Variants in PRCP observed in about 807,000 individuals in gnomAD.
PRCP encodes prolylcarboxypeptidase.
A neutral mutation model predicts 54.2 loss-of-function variants in PRCP; 46 were observed. The ratio of observed to expected loss-of-function variants is 0.85; its 90% confidence interval spans 0.67 to 1.09. The LOEUF (loss-of-function observed/expected upper bound fraction) is 1.09. Ranked by LOEUF, PRCP falls within the 50% of genes least tolerant of loss-of-function variation. The probability of loss-of-function intolerance (pLI) is 0.00; values close to 1 mark genes in which losing one functional copy is unlikely to be tolerated. For missense variants in PRCP, 613 were observed against 596.8 expected, an observed-to-expected ratio of 1.03 and a Z score of -0.28; for synonymous variants, 240 against 212.2, an observed-to-expected ratio of 1.13 and a Z score of -1.14.
At chr11:82,884,741 T>G in intron 1 of PRCP, 1 of 1,594,312 alleles carries the variant, frequency 6.3e-7, no homozygotes, top group Non-Finnish European at 8.5e-7. Flanking sequence ...CAGTGCCATC[T>G]TGGCCATTTA....
At chr11:82,891,473 T>C (rs1265957967) in intron 1 of PRCP, among the ~76,000 whole-genome samples, 1 of 152,208 alleles carries the variant, frequency 6.6e-6, no homozygotes, top group Non-Finnish European at 1.5e-5. Flanking sequence ...GTCATTCTTC[T>C]ACCCCTAAAG....
At chr11:82,895,742 G>A (rs1860105405) in intron 1 of PRCP, among the ~76,000 whole-genome samples, 1 of 152,170 alleles carries the variant, frequency 6.6e-6, no homozygotes, top group Non-Finnish European at 1.5e-5. Context: ...GGAGGAGAAA[G>A]ATCTTTATCA....
At position 82,831,890 on chromosome 11, in the gene PRCP, C is replaced by T. The variant is rs1246197767; in HGVS notation, c.1274+6497G>A. 3.3e-5 allele frequency among the ~76,000 whole-genome samples: 5 copies of T among 152,120 alleles called. No homozygotes were observed. The South Asian group carries it at 1.0e-3, about 32-fold the overall frequency. On this transcript the variant is annotated intron_variant, in intron 8 of 8. Coordinates refer to ENST00000313010, the MANE Select transcript of PRCP (RefSeq NM_005040.4). ...CCCCAACCCTCACCCCCCGACAGGC[C>T]CCAGTGTGTTATGTTCCCCTCCCTG...
intron 1 of PRCP, among the ~76,000 whole-genome samples, chr11:82,869,355 CA>C (rs36024787): frequency 1.3e-3 from 106 of 80,446 alleles, no homozygotes; most frequent in Middle Eastern, 7.2e-3. Context: ...GACTCCATCT[CA>C]AAAAAAAAAA....
chr11:82,887,325 A>G (rs1056260751), intron 1 of PRCP, among the ~76,000 whole-genome samples: 7 of 152,210 alleles, frequency 4.6e-5, no homozygotes, highest in African/African-American at 1.7e-4. Context: ...CATGAGGCCT[A>G]TGTTTGCTCT....
chr11:82,892,284 G>A lies in PRCP; in HGVS notation c.168+7951C>T, dbSNP rs556732204. Among the ~76,000 whole-genome samples the A allele has an allele frequency of 5.3e-5, 8 of 152,168 alleles. No individual in the cohort carries two copies. In the South Asian group the frequency reaches 8.3e-4, roughly 16 times the overall value. On this transcript the variant is annotated intron_variant, in intron 1 of 8. Coordinates refer to ENST00000313010, the MANE Select transcript of PRCP (RefSeq NM_005040.4). Reference sequence around the variant, plus strand: ...AATTAAACCATCTATTTCAAAAAGCGATTATATTAATAATAATTAAAAAGA... The same window carrying A: ...AATTAAACCATCTATTTCAAAAAGCAATTATATTAATAATAATTAAAAAGA...
intron 1 of PRCP, among the ~76,000 whole-genome samples, chr11:82,870,843 G>T (rs1859462683): frequency 6.6e-6 from 1 of 152,136 alleles, no homozygotes; most frequent in African/African-American, 2.4e-5. Flanking sequence ...GAGAGGACAG[G>T]GGGCAAGAGA....
intron 5 of PRCP, among the ~76,000 whole-genome samples, chr11:82,849,705 C>T (rs923301441): frequency 2.6e-5 from 4 of 152,150 alleles, no homozygotes; most frequent in Admixed American, 2.0e-4. Flanking sequence ...GCTGACAACG[C>T]CCTTTACTGA....
At chr11:82,873,605 C>A (rs1591063949) in intron 1 of PRCP, among the ~76,000 whole-genome samples, 1 of 152,218 alleles carries the variant, frequency 6.6e-6, no homozygotes, top group Non-Finnish European at 1.5e-5. Flanking sequence ...CAGCCACAAT[C>A]TTCACTGGTT....
chr11:82,834,998 A>G (rs1202862298), intron 8 of PRCP, among the ~76,000 whole-genome samples: 2 of 152,208 alleles, frequency 1.3e-5, no homozygotes, highest in Non-Finnish European at 2.9e-5. Flanking sequence ...CAGGAGACAG[A>G]GGTTGCAGTG....
chr11:82,893,636 T>C (rs149717078), intron 1 of PRCP, among the ~76,000 whole-genome samples: 113 of 151,996 alleles, frequency 7.4e-4, no homozygotes, highest in Middle Eastern at 6.8e-3. Context: ...TACAAAAAGA[T>C]TAAAAAATTA....
chr11:82,889,756 A>G (rs957514535), intron 1 of PRCP, among the ~76,000 whole-genome samples: 12 of 152,232 alleles, frequency 7.9e-5, no homozygotes. Context: ...AGCAAAATGG[A>G]AAGGCAGTTA....
Position 82,849,908 on chromosome 11 carries a change from G to A in PRCP, c.751+6C>T, listed in dbSNP as rs763416302. The A allele has an allele frequency of 6.9e-7, 1 of 1,453,040 alleles. No individual in the cohort carries two copies. Among genetic ancestry groups the A allele is most frequent in the Non-Finnish European group, 9.1e-7 (1 of 1,098,304 alleles). 90.0% of individuals were successfully genotyped at this position (1,453,040 alleles called of 1,614,324 possible). ...ACACAATTCCATTCTCTTAATTAAA[G>A]CTTACCAGTATTTGAGAGTCGATTA... On this transcript the variant is annotated splice_donor_region_variant and intron_variant, in intron 5 of 8. Transcript: ENST00000313010.
intron 3 of PRCP, 81 bp from the exon 4 acceptor site, chr11:82,850,586 CA>C (rs1420574991): frequency 7.1e-6 from 8 of 1,121,242 alleles, no homozygotes; most frequent in Non-Finnish European, 9.4e-6. Flanking sequence ...AGAAGAGAGC[CA>C]GTGTCAGATA....
rs74817843 is a variant in PRCP at position 82,878,859 on chromosome 11, G to C, written c.169-18742C>G. On this transcript the variant is annotated intron_variant, in intron 1 of 8. Coordinates refer to ENST00000313010, the MANE Select transcript of PRCP (RefSeq NM_005040.4). ...GAAAATTCTTTTCTTTAAGAAGGTT[G>C]AGTGTTGGCCCCCACTCTTGTAGAG... Among the ~76,000 whole-genome samples the C allele has an allele frequency of 4.5e-4, 69 of 152,320 alleles. 1 individual carries two copies. Among genetic ancestry groups the C allele is most frequent in the African/African-American group, 1.5e-3 (63 of 41,582 alleles).
At chr11:82,835,271 GC>G (rs1425533812) in intron 8 of PRCP, among the ~76,000 whole-genome samples, 1 of 152,104 alleles carries the variant, frequency 6.6e-6, no homozygotes, top group East Asian at 1.9e-4. Flanking sequence ...CTAATAAGAG[GC>G]CTTTTTTTGC....
intron 1 of PRCP, among the ~76,000 whole-genome samples, chr11:82,867,926 G>C (rs1416328076): frequency 1.3e-5 from 2 of 152,136 alleles, no homozygotes; most frequent in Admixed American, 1.3e-4. Context: ...TCTTAGGACA[G>C]AAAGGGAACT....
chr11:82,885,966 A>G (rs1465692389), intron 1 of PRCP, among the ~76,000 whole-genome samples: 1 of 152,112 alleles, frequency 6.6e-6, no homozygotes, highest in Non-Finnish European at 1.5e-5. Flanking sequence ...CCTTTTTGTG[A>G]TAGTCAATGG....
At chr11:82,866,415 A>G (rs1859336570) in intron 1 of PRCP, among the ~76,000 whole-genome samples, 1 of 152,224 alleles carries the variant, frequency 6.6e-6, no homozygotes, top group Admixed American at 6.5e-5. Flanking sequence ...TTCGTATGTA[A>G]TAAGACACTG....
Sources: gnomAD v4.1 joint callset for allele counts (sites outside exome capture counted in the v4.1 genomes callset) on GRCh38, gnomAD v4.1.1 for gene constraint, MANE v1.5 for transcripts, NCBI Gene and HGNC (gene_info 2026-07-23, HGNC 2026-07-21) for gene names.